PDXK: variants seen among roughly 807,000 people sequenced by gnomAD.
The protein encoded by PDXK is pyridoxal kinase, also known as epididymis secretory sperm binding protein Li 1a.
Under a neutral mutation model 43.2 loss-of-function variants are expected in PDXK, and 15 were observed. The ratio of observed to expected loss-of-function variants is 0.35; its 90% CI spans 0.23 to 0.53. PDXK has a LOEUF of 0.53. Ranked by LOEUF, PDXK falls within the 20% of genes least tolerant of loss-of-function variation. The pLI is 0.92. For synonymous variants in PDXK, 172 were observed against 165.4 expected (o/e 1.04, Z -0.31); for missense variants, 343 against 417.0 (o/e 0.82, Z 1.54).
rs776748861 is a variant in PDXK at position 43,749,078 on chromosome 21, C to T, written c.462C>T (p.Ala154=). The T allele has an allele frequency of 8.9e-6, 14 of 1,578,764 alleles. No individual in the cohort carries two copies. The African/African-American group carries it at 1.1e-4, about 12-fold the overall frequency. Residue 154 remains alanine (A), a splice_region_variant and synonymous_variant, in exon 6 of 11, where the codon GCC becomes GCT. Coordinates refer to ENST00000291565, the MANE Select transcript of PDXK (RefSeq NM_003681.5). ...ADIITPNQFE[A]ELLSGRKIHS... ...TTATCACGCCCAACCAGTTTGAGGC[C>T]GAGTAAGTCATTTTATTTTATTTTA...
At chr21:43,730,021 G>A (rs1053568463) in intron 1 of PDXK, among the ~76,000 whole-genome samples, 2 of 152,154 alleles carry the variant, frequency 1.3e-5, no homozygotes, top group Non-Finnish European at 2.9e-5. Flanking sequence ...AGACCATCCC[G>A]AGAAGGGGGA....
chr21:43,750,610 GCTGC>G, intron 7 of PDXK, 65 bp downstream of exon 7: 2 of 1,328,538 alleles, frequency 1.5e-6, no homozygotes, highest in Non-Finnish European at 2.1e-6. Flanking sequence ...CGGGAGACAG[GCTGC>G]CTGAGTGGCA....
intron 1 of PDXK, 48 bp downstream of exon 1, chr21:43,719,429 C>A: frequency 6.8e-7 from 1 of 1,470,612 alleles, no homozygotes; most frequent in South Asian, 1.2e-5. Flanking sequence ...AGCCCGTGAC[C>A]TTGGCGGGGC....
Position 43,719,165 on chromosome 21 carries a change from C to T in PDXK, c.-130C>T, listed in dbSNP as rs945050229. ...GCGTCTGCGCTGATCGGGTCCGCCG[C>T]GCGCCAGAGCCAGAGTCGCAGCCGA... On this transcript the variant is annotated 5_prime_UTR_variant, in exon 1 of 11. Coordinates refer to ENST00000291565, the MANE Select transcript of PDXK (RefSeq NM_003681.5). 3.2e-5 allele frequency: 12 copies of T among 380,554 alleles called. No homozygotes were observed. The highest frequency in any genetic ancestry group is 4.8e-5 in the Non-Finnish European group (11 of 230,014). 23.6% of individuals were successfully genotyped at this position (380,554 alleles called of 1,614,324 possible).
intron 1 of PDXK, among the ~76,000 whole-genome samples, chr21:43,731,435 G>A (rs1399704332): frequency 1.3e-5 from 2 of 152,190 alleles, no homozygotes; most frequent in Admixed American, 6.5e-5. Flanking sequence ...GTCCCTGAAG[G>A]TCATTCTTAG....
In PDXK at chr21:43,759,612, C is replaced by T. The variant is rs2083902296; in HGVS notation, c.*3549C>T. ...ACACCCCTCCCTGTGGATCGCCTGC[C>T]TGGGCCCAGAGCAGGGGAACTGGAG... On this transcript the variant is annotated 3_prime_UTR_variant, in exon 11 of 11. Coordinates refer to ENST00000291565, the MANE Select transcript of PDXK (RefSeq NM_003681.5). 6.5e-6 allele frequency: 1 copy of T among 153,632 alleles called. No individual in the cohort carries two copies. Among genetic ancestry groups the T allele is most frequent in the African/African-American group, 2.4e-5 (1 of 41,454 alleles). 9.5% of individuals were successfully genotyped at this position (153,632 alleles called of 1,614,324 possible). A position where few individuals can be genotyped will look rare whatever the true frequency, so the allele number is the denominator to read the frequency against.
At chr21:43,733,962 C>G (rs1316459000) in intron 1 of PDXK, 107 bp from the exon 2 acceptor site, 16 of 1,140,108 alleles carry the variant, frequency 1.4e-5, no homozygotes, top group Non-Finnish European at 2.1e-5. Flanking sequence ...GGGCCCCGTG[C>G]CAGCCGGGAC....
chr21:43,739,673 G>A, intron 2 of PDXK, among the ~76,000 whole-genome samples: 1 of 151,736 alleles, frequency 6.6e-6, no homozygotes, highest in East Asian at 1.9e-4. Context: ...CCACCCCCAT[G>A]ATTGAATGAC....
At chr21:43,748,698 C>T (rs1027029562) in intron 5 of PDXK, among the ~76,000 whole-genome samples, 5 of 152,152 alleles carry the variant, frequency 3.3e-5, no homozygotes, top group African/African-American at 9.7e-5. Flanking sequence ...CCTCCTCCCT[C>T]CCTCCCTCTC....
At position 43,737,917 on chromosome 21, in the gene PDXK, C is replaced by G; in HGVS notation, c.143-3750C>G. 1 of 985,494 alleles carries G rather than the reference C, an allele frequency of 1.0e-6. No homozygotes were observed. The highest frequency in any genetic ancestry group is 1.7e-5 in the African/African-American group (1 of 57,374). The allele number at this position is 985,494 out of a possible 1,614,324, so 61.0% of individuals were successfully genotyped here. A position where few individuals can be genotyped will look rare whatever the true frequency, so the allele number is the denominator to read the frequency against. The stretch of plus-strand genomic sequence containing the variant: ...GAGAAGGTTCTTGTGGGCTCTGGGC[C>G]CATCCCACATCCCACAGTGGGCAGG... On this transcript the variant is annotated intron_variant, in intron 2 of 10. Coordinates refer to ENST00000291565, the MANE Select transcript of PDXK (RefSeq NM_003681.5). The surrounding 1 kb of genome is among the most constrained non-coding windows in gnomAD (Gnocchi z 4.8).
chr21:43,722,220 G>T (rs2083211623), intron 1 of PDXK, among the ~76,000 whole-genome samples: 2 of 152,178 alleles, frequency 1.3e-5, no homozygotes, highest in Non-Finnish European at 2.9e-5. Flanking sequence ...ACATTGCTAG[G>T]ACTGTTTCCT....
At chr21:43,730,353 T>G (rs2083302521) in intron 1 of PDXK, among the ~76,000 whole-genome samples, 1 of 152,156 alleles carries the variant, frequency 6.6e-6, no homozygotes, top group Non-Finnish European at 1.5e-5. Context: ...CTCGAACTCC[T>G]GACCTCAGGT....
At position 43,737,762 on chromosome 21, in the gene PDXK, C is replaced by T. The variant is rs1047076836; in HGVS notation, c.142+3639C>T. 1.0e-6 allele frequency: 1 copy of T among 983,394 alleles called. No individual in the cohort carries two copies. The highest frequency in any genetic ancestry group is 1.7e-5 in the African/African-American group (1 of 57,246). 60.9% of individuals were successfully genotyped at this position (983,394 alleles called of 1,614,324 possible). A position where few individuals can be genotyped will look rare whatever the true frequency, so the allele number is the denominator to read the frequency against. ...GCGAGGGGCCAGGCCGGGCCAGACT[C>T]CCTGGCCGGCTGGGATCTGACAGGA... On this transcript the variant is annotated intron_variant, in intron 2 of 10. Coordinates refer to ENST00000291565, the MANE Select transcript of PDXK (RefSeq NM_003681.5). This position sits in a 1 kb window ranked among gnomAD's most constrained non-coding sequence, Gnocchi z 4.8.
At chr21:43,726,858 GGT>G (rs1012891177) in intron 1 of PDXK, among the ~76,000 whole-genome samples, 5 of 151,974 alleles carry the variant, frequency 3.3e-5, no homozygotes, top group East Asian at 3.9e-4. Context: ...GTGTGTACAT[GGT>G]GTGTGTGTAT....
At position 43,760,333 on chromosome 21, in the gene PDXK, C is replaced by A. The variant is rs980319462; in HGVS notation, c.*4270C>A. 1.3e-5 allele frequency: 2 copies of A among 152,164 alleles called. No homozygotes were observed. Among genetic ancestry groups the A allele is most frequent in the African/African-American group, 2.4e-5 (1 of 41,396 alleles). The allele number at this position is 152,164 out of a possible 1,614,324, so 9.4% of individuals were successfully genotyped here. A position where few individuals can be genotyped will look rare whatever the true frequency, so the allele number is the denominator to read the frequency against. ...CTGGGATTACAGGCATGCGCCACCACGCTCAGCTGATTTTTGTATTTTTAG... is the reference window on the plus strand; with the variant it reads ...CTGGGATTACAGGCATGCGCCACCAAGCTCAGCTGATTTTTGTATTTTTAG... On this transcript the variant is annotated 3_prime_UTR_variant, in exon 11 of 11. Coordinates refer to ENST00000291565, the MANE Select transcript of PDXK (RefSeq NM_003681.5).
In PDXK at chr21:43,734,264, G is replaced by A. The variant is rs2083368724; in HGVS notation, c.142+141G>A. On this transcript the variant is annotated intron_variant, in intron 2 of 10. Transcript: ENST00000291565. The surrounding 1 kb of genome is among the most constrained non-coding windows in gnomAD (Gnocchi z 5.0). ...TGGACGGGGACCTGGAGTCCTGGGC[G>A]TCGCTCGGGCAGAGCCTGCACAGCA... 2.6e-5 allele frequency: 20 copies of A among 775,926 alleles called. No homozygotes were observed. The highest frequency in any genetic ancestry group is 1.9e-4 in the South Asian group (13 of 67,858). 48.1% of individuals were successfully genotyped at this position (775,926 alleles called of 1,614,324 possible). A position where few individuals can be genotyped will look rare whatever the true frequency, so the allele number is the denominator to read the frequency against.
chr21:43,729,936 C>A (rs1293707599), intron 1 of PDXK, among the ~76,000 whole-genome samples: 1 of 151,898 alleles, frequency 6.6e-6, no homozygotes, highest in Non-Finnish European at 1.5e-5. Context: ...AGCATGAGAT[C>A]CTGTCTCAAA....
chr21:43,760,869 G>A lies in PDXK; in HGVS notation c.*4806G>A, dbSNP rs986780737. On this transcript the variant is annotated 3_prime_UTR_variant, in exon 11 of 11. Coordinates refer to ENST00000291565, the MANE Select transcript of PDXK (RefSeq NM_003681.5). ...GCTTTCTGTCGCATGTGTGTCTCCT[G>A]TCGACTCTGCAGTTTGTTCTCAGAG... 1.3e-5 allele frequency: 2 copies of A among 152,244 alleles called. No homozygotes were observed. The highest frequency in any genetic ancestry group is 4.8e-5 in the African/African-American group (2 of 41,456). The allele number at this position is 152,244 out of a possible 1,614,324, so 9.4% of individuals were successfully genotyped here. A position where few individuals can be genotyped will look rare whatever the true frequency, so the allele number is the denominator to read the frequency against.
intron 6 of PDXK, 60 bp from the exon 7 acceptor site, chr21:43,750,440 C>T: frequency 6.8e-7 from 1 of 1,465,432 alleles, no homozygotes; most frequent in Non-Finnish European, 9.4e-7. Flanking sequence ...AATGTCAACA[C>T]ACAACCCGGA....
Sources: gnomAD v4.1 joint callset for allele counts (sites outside exome capture counted in the v4.1 genomes callset) on GRCh38, gnomAD v4.1.1 for gene constraint, Gnocchi (gnomAD v3.1) non-coding constraint, MANE v1.5 for transcripts, NCBI Gene and HGNC (gene_info 2026-07-23, HGNC 2026-07-21) for gene names.